Variants in ZNF821 observed in about 807,000 individuals in gnomAD.
ZNF821 encodes the protein zinc finger protein 821.
Under a neutral mutation model 44.3 loss-of-function variants are expected in ZNF821, and 16 were observed. The observed-to-expected ratio is 0.36, with a 90% CI of 0.24 to 0.55. The LOEUF (loss-of-function observed/expected upper bound fraction) is 0.55, where lower values mean the gene tolerates loss of function less well. ZNF821 is among the 20% of genes least tolerant of loss of function. ZNF821 has a pLI of 0.86. For missense variants in ZNF821, 436 were observed against 547.6 expected, an observed-to-expected ratio of 0.80 and a Z score of 2.03; for synonymous variants, 204 against 197.6, an observed-to-expected ratio of 1.03 and a Z score of -0.27.
chr16:71,865,670 T>C lies in ZNF821; in HGVS notation c.167-622A>G, dbSNP rs151041528. Among the ~76,000 whole-genome samples the C allele has an allele frequency of 2.9e-3, 435 of 152,366 alleles. 2 individuals are homozygous for C. The highest frequency in any genetic ancestry group is 0.01 in the African/African-American group (417 of 41,592). On this transcript the variant is annotated intron_variant, in intron 4 of 7. Coordinates refer to ENST00000425432, the MANE Select transcript of ZNF821 (RefSeq NM_001201552.2). Reference sequence around the variant, plus strand: ...GCACAGCAACCAACCTCAGGCACTTTGCAGTGGTATCCGACTCACTCGGTT... The same window carrying C: ...GCACAGCAACCAACCTCAGGCACTTCGCAGTGGTATCCGACTCACTCGGTT...
At chr16:71,865,997 G>A (rs1287464475) in intron 4 of ZNF821, among the ~76,000 whole-genome samples, 2 of 152,056 alleles carry the variant, frequency 1.3e-5, no homozygotes, top group East Asian at 1.9e-4. Context: ...AACAAATAAC[G>A]AACGTAGTTC....
chr16:71,887,641 T>C (rs1031414798), upstream of ZNF821, among the ~76,000 whole-genome samples: 1 of 152,202 alleles, frequency 6.6e-6, no homozygotes, highest in Non-Finnish European at 1.5e-5. Context: ...CAGCAACATA[T>C]GGTGTTTCCA....
Position 71,861,783 on chromosome 16 carries a change from A to G in ZNF821, c.577T>C (p.Phe193Leu), listed in dbSNP as rs1450983288. ...GATAAGTGCCCAGCTGACCTGTTAAAAGTGGCATGGCTGGTGAACCGGGCT... is the reference window on the plus strand; with the variant it reads ...GATAAGTGCCCAGCTGACCTGTTAAGAGTGGCATGGCTGGTGAACCGGGCT... ...CGARFTSHAT[F>L]NSEKLPEVLN... The change falls in exon 7 of 8, where the codon TTT (phenylalanine) becomes CTT (leucine). Residue 193 changes from phenylalanine (F) to leucine (L), a missense_variant. Physicochemically the swap from Phe to Leu is conservative, Grantham distance 22. This residue lies in a region of ZNF821 where 238 missense variants were observed against 281.4 expected (regional missense o/e 0.85). Coordinates refer to ENST00000425432, the MANE Select transcript of ZNF821 (RefSeq NM_001201552.2). The G allele has an allele frequency of 6.2e-7, 1 of 1,614,024 alleles. No homozygotes were observed.
chr16:71,872,505 C>G (rs1344356167), intron 3 of ZNF821, among the ~76,000 whole-genome samples: 1 of 151,934 alleles, frequency 6.6e-6, no homozygotes, highest in African/African-American at 2.4e-5. Flanking sequence ...CCCAGCTACT[C>G]GGGAGGCTGA....
intron 1 of ZNF821, among the ~76,000 whole-genome samples, chr16:71,891,010 G>A (rs147735344): frequency 0.016 from 2,375 of 151,332 alleles, 27 homozygotes; most frequent in Non-Finnish European, 0.024. Flanking sequence ...TCCTAACCTC[G>A]TGATCCGCCC....
In ZNF821 at chr16:71,884,161, CG is replaced by C. The variant is rs1315428420; in HGVS notation, c.-395del. ...GGGAAAAAGATGGCGACGCGGGCGG[CG>C]GGAGCGCGCGGCTCGCGCACCCGCA... On this transcript the variant is annotated 5_prime_UTR_variant, in exon 1 of 8. Coordinates refer to ENST00000425432, the MANE Select transcript of ZNF821 (RefSeq NM_001201552.2). The C allele has an allele frequency of 1.3e-5, 2 of 152,034 alleles. No individual in the cohort carries two copies. The highest frequency in any genetic ancestry group is 4.8e-5 in the African/African-American group (2 of 41,408). The allele number at this position is 152,034 out of a possible 1,614,324, so 9.4% of individuals were successfully genotyped here. A position where few individuals can be genotyped will look rare whatever the true frequency, so the allele number is the denominator to read the frequency against.
chr16:71,888,537 C>T (rs1042748733), upstream of ZNF821, among the ~76,000 whole-genome samples: 1 of 151,996 alleles, frequency 6.6e-6, no homozygotes, highest in Non-Finnish European at 1.5e-5. Context: ...CTGTTCTTTC[C>T]CCCTTTGAAT....
chr16:71,879,815 AAT>A, intron 3 of ZNF821, 90 bp downstream of exon 3: 1 of 1,213,116 alleles, frequency 8.2e-7, no homozygotes, highest in Non-Finnish European at 1.2e-6. Context: ...CTTCTTCACA[AAT>A]TAGCGTGAGC....
At chr16:71,888,328 G>A (rs1567453665), upstream of ZNF821, among the ~76,000 whole-genome samples, 1 of 152,126 alleles carries the variant, frequency 6.6e-6, no homozygotes, top group Non-Finnish European at 1.5e-5. Context: ...TGGTTTGGAT[G>A]CCATGTCTAC....
chr16:71,875,989 T>C (rs948482623), intron 3 of ZNF821, among the ~76,000 whole-genome samples: 3 of 152,194 alleles, frequency 2.0e-5, no homozygotes, highest in African/African-American at 2.4e-5. Flanking sequence ...TACGTGGGCA[T>C]AGACATTGGC....
At position 71,865,623 on chromosome 16, in the gene ZNF821, G is replaced by T. The variant is rs181761304; in HGVS notation, c.167-575C>A. 2.3e-4 allele frequency among the ~76,000 whole-genome samples: 35 copies of T among 152,330 alleles called. No homozygotes were observed. The East Asian group carries it at 6.6e-3, about 29-fold the overall frequency. ...GATGTCACTTTATAGGGAAAGGGCT[G>T]CTCATTACAGTGGAAAAATTAGCAC... On this transcript the variant is annotated intron_variant, in intron 4 of 7. Coordinates refer to ENST00000425432, the MANE Select transcript of ZNF821 (RefSeq NM_001201552.2).
Position 71,864,258 on chromosome 16 carries a change from T to G in ZNF821, c.313-16A>C. Reference sequence around the variant, plus strand: ...TCCCTGTGACCTGTGATTCAACAAATAGGCAACTCATTAGGACTCTTTACT... The same window carrying G: ...TCCCTGTGACCTGTGATTCAACAAAGAGGCAACTCATTAGGACTCTTTACT... On this transcript the variant is annotated splice_polypyrimidine_tract_variant and intron_variant, in intron 5 of 7. Coordinates refer to ENST00000425432, the MANE Select transcript of ZNF821 (RefSeq NM_001201552.2). 6.2e-7 allele frequency: 1 copy of G among 1,609,622 alleles called. No homozygotes were observed. Among genetic ancestry groups the G allele is most frequent in the Non-Finnish European group, 8.5e-7 (1 of 1,175,842 alleles).
At chr16:71,893,105 C>G (rs11863771) in intron 1 of ZNF821, among the ~76,000 whole-genome samples, 6,433 of 140,818 alleles carry the variant, frequency 0.046, 471 homozygotes, top group African/African-American at 0.16. Context: ...TCTCGGCTCA[C>G]TGCAATCTCT....
chr16:71,861,073 C>A (rs1280149353), intron 7 of ZNF821, among the ~76,000 whole-genome samples: 2 of 152,256 alleles, frequency 1.3e-5, no homozygotes, highest in Middle Eastern at 6.8e-3. Context: ...TCAGGCTGGT[C>A]TCAAACTCCT....
chr16:71,861,672 C>T, intron 7 of ZNF821, 104 bp downstream of exon 7: 1 of 1,392,642 alleles, frequency 7.2e-7, no homozygotes, highest in Middle Eastern at 2.6e-4. Context: ...CATGCATCAG[C>T]TGCCTTTGCA....
chr16:71,859,771 G>C lies in ZNF821; in HGVS notation c.*247C>G. 5.7e-6 allele frequency: 3 copies of C among 529,360 alleles called. No individual in the cohort carries two copies. Among genetic ancestry groups the C allele is most frequent in the Non-Finnish European group, 1.0e-5 (3 of 301,444 alleles). 32.8% of individuals were successfully genotyped at this position (529,360 alleles called of 1,614,324 possible). ...CCTAGAAGCACAGCCTGTGGCAGTG[G>C]GCTGGGGAGGCCAGTTCTCTGGACT... On this transcript the variant is annotated 3_prime_UTR_variant, in exon 8 of 8. Transcript: ENST00000425432.
At chr16:71,866,905 A>C (rs1384132693) in intron 4 of ZNF821, among the ~76,000 whole-genome samples, 1 of 152,190 alleles carries the variant, frequency 6.6e-6, no homozygotes, top group Non-Finnish European at 1.5e-5. Context: ...GTGGTGAAAA[A>C]TTGGAAAAGT....
upstream of ZNF821, chr16:71,885,117 A>T (rs1305237030): frequency 6.6e-6 from 1 of 152,472 alleles, no homozygotes; most frequent in Non-Finnish European, 1.5e-5. Context: ...CGGCCTCTCA[A>T]AGTGCTGGGA....
chr16:71,873,373 A>G (rs944924456), intron 3 of ZNF821, among the ~76,000 whole-genome samples: 1 of 151,934 alleles, frequency 6.6e-6, no homozygotes, highest in African/African-American at 2.4e-5. Context: ...GGAGGTAGGG[A>G]GAAGGTCTAA....
Sources: allele counts gnomAD v4.1 joint callset (sites outside exome capture counted in the v4.1 genomes callset), GRCh38; gene constraint gnomAD v4.1.1; regional missense constraint gnomAD v4.1.1; transcripts MANE v1.5; gene names NCBI Gene and HGNC (gene_info 2026-07-23, HGNC 2026-07-21).